GXYLT1: variants seen among roughly 807,000 people sequenced by gnomAD.
GXYLT1 encodes the protein glycosyltransferase 8 domain containing 3.
GXYLT1 carries 29 observed loss-of-function variants against 54.0 expected under a neutral mutation model. The ratio of observed to expected loss-of-function variants is 0.54; its 90% confidence interval spans 0.40 to 0.73. The LOEUF is 0.73. Among genes scored for constraint, GXYLT1 ranks in the 30% least tolerant of loss-of-function variants. The pLI is 0.00. For synonymous variants in GXYLT1, 176 were observed against 204.1 expected (o/e 0.86, Z 1.17); for missense variants, 490 against 553.4 (o/e 0.89, Z 1.15).
intron 1 of GXYLT1, among the ~76,000 whole-genome samples, chr12:42,140,206 G>GT (rs1034176325): frequency 3.0e-5 from 4 of 134,644 alleles, no homozygotes; most frequent in African/African-American, 8.3e-5. Flanking sequence ...AAGGCGGGGG[G>GT]GGGGGGACTT....
In GXYLT1 at chr12:42,116,640, G is replaced by C. The variant is rs1233818395; in HGVS notation, c.486+2360C>G. On this transcript the variant is annotated intron_variant, in intron 3 of 7. Transcript: ENST00000398675. ...AAGTCAGGAAACAGCAGGTGCTGGA[G>C]AGGATGTGGAGAAATAGGAACACTT... 3.9e-5 allele frequency among the ~76,000 whole-genome samples: 6 copies of C among 152,326 alleles called. No homozygotes were observed. The East Asian group carries it at 7.7e-4, about 20-fold the overall frequency.
intron 3 of GXYLT1, 55 bp downstream of exon 3, chr12:42,118,945 T>C (rs1271288303): frequency 4.0e-6 from 5 of 1,248,402 alleles, no homozygotes; most frequent in South Asian, 2.8e-5. Flanking sequence ...CATTCTATTA[T>C]AGTATATTAT....
chr12:42,098,155 C>A, intron 5 of GXYLT1, 122 bp from the exon 6 acceptor site: 1 of 838,450 alleles, frequency 1.2e-6, no homozygotes, highest in South Asian at 1.6e-5. Context: ...GCAAACTCCT[C>A]ACAATATCAA....
chr12:42,112,346 G>C lies in GXYLT1; in HGVS notation c.487-2655C>G, dbSNP rs188249671. 3.4e-3 allele frequency among the ~76,000 whole-genome samples: 524 copies of C among 152,256 alleles called. 1 individual carries two copies. The highest frequency in any genetic ancestry group is 5.7e-3 in the Non-Finnish European group (386 of 68,018). ...GCTTCAGAAGATCAAACTACTCCAA[G>C]CTACAGGAGGAAATTCGAACCAATG... is the stretch of plus-strand genomic sequence containing the variant. On this transcript the variant is annotated intron_variant, in intron 3 of 7. Coordinates refer to ENST00000398675, the MANE Select transcript of GXYLT1 (RefSeq NM_173601.2).
At chr12:42,107,723 G>A (rs1208431459) in intron 4 of GXYLT1, among the ~76,000 whole-genome samples, 1 of 152,028 alleles carries the variant, frequency 6.6e-6, no homozygotes, top group Non-Finnish European at 1.5e-5. Context: ...GGGGCTGGGT[G>A]GAGTCTGTAT....
At chr12:42,106,356 T>C (rs2065421073) in intron 4 of GXYLT1, among the ~76,000 whole-genome samples, 1 of 152,144 alleles carries the variant, frequency 6.6e-6, no homozygotes, top group African/African-American at 2.4e-5. Context: ...AGGGAGGAAA[T>C]GTTTTTCATA....
At chr12:42,114,470 TAC>T (rs1484048457) in intron 3 of GXYLT1, among the ~76,000 whole-genome samples, 1 of 152,064 alleles carries the variant, frequency 6.6e-6, no homozygotes, top group Non-Finnish European at 1.5e-5. Context: ...CCCACAGAAA[TAC>T]AAACTACCAT....
intron 2 of GXYLT1, among the ~76,000 whole-genome samples, chr12:42,128,943 T>C (rs550845943): frequency 1.1e-4 from 17 of 152,306 alleles, no homozygotes; most frequent in African/African-American, 4.1e-4. Flanking sequence ...CCCAAAATGC[T>C]GAGATTACAG....
chr12:42,131,511 C>G (rs2065594003), intron 1 of GXYLT1, among the ~76,000 whole-genome samples: 1 of 152,168 alleles, frequency 6.6e-6, no homozygotes, highest in Non-Finnish European at 1.5e-5. Flanking sequence ...ATTGTGTATA[C>G]TACTGCATAA....
chr12:42,138,932 T>C (rs1396751682), intron 1 of GXYLT1, among the ~76,000 whole-genome samples: 1 of 151,610 alleles, frequency 6.6e-6, no homozygotes, highest in Non-Finnish European at 1.5e-5. Flanking sequence ...CAGCTACTTG[T>C]GAGGCTGAGG....
chr12:42,105,910 G>A lies in GXYLT1; in HGVS notation c.772C>T (p.Arg258Cys), dbSNP rs748614834. 1.1e-5 allele frequency: 17 copies of A among 1,613,702 alleles called. No individual in the cohort carries two copies. The highest frequency in any genetic ancestry group is 3.3e-5 in the Admixed American group (2 of 60,010). ...HEEPRIGWYN[R>C]FARHPYYGKT... Reference sequence around the variant, plus strand: ...CCATAATATGGATGCCTAGCAAAGCGATTATACCATCCTATTCGAGGTTCC... The same window carrying A: ...CCATAATATGGATGCCTAGCAAAGCAATTATACCATCCTATTCGAGGTTCC... The change falls in exon 5 of 8, where the codon CGC (arginine) becomes TGC (cysteine). Residue 258 changes from arginine (R) to cysteine (C), a missense_variant. Arg to Cys is a radical substitution (Grantham distance 180). This residue lies in a region of GXYLT1 where 342 missense variants were observed against 342.6 expected (regional missense o/e 1.00). Coordinates refer to ENST00000398675, the MANE Select transcript of GXYLT1 (RefSeq NM_173601.2).
chr12:42,132,365 G>A (rs758588532), intron 1 of GXYLT1, among the ~76,000 whole-genome samples: 3 of 152,100 alleles, frequency 2.0e-5, no homozygotes, highest in Non-Finnish European at 4.4e-5. Flanking sequence ...TCGCAGTACT[G>A]ATCATTTCTC....
chr12:42,112,894 A>G (rs1365860562), intron 3 of GXYLT1, among the ~76,000 whole-genome samples: 1 of 151,238 alleles, frequency 6.6e-6, no homozygotes, highest in Non-Finnish European at 1.5e-5. Context: ...AGGTCGGGTT[A>G]CCCTCAAAGG....
chr12:42,082,077 G>A lies in GXYLT1; in HGVS notation c.*5709C>T, dbSNP rs536623503. 6.6e-6 allele frequency: 1 copy of A among 152,172 alleles called. No homozygotes were observed. The highest frequency in any genetic ancestry group is 1.5e-5 in the Non-Finnish European group (1 of 68,022). The allele number at this position is 152,172 out of a possible 1,614,324, so 9.4% of individuals were successfully genotyped here. ...ATACCAAAACATTTTAAGATAAAGA[G>A]CAGTGTAAGAGTAGTATTCTCTACA... On this transcript the variant is annotated 3_prime_UTR_variant, in exon 8 of 8. Coordinates refer to ENST00000398675, the MANE Select transcript of GXYLT1 (RefSeq NM_173601.2).
intron 3 of GXYLT1, among the ~76,000 whole-genome samples, chr12:42,116,293 A>G (rs1186925709): frequency 3.3e-5 from 5 of 152,194 alleles, no homozygotes; most frequent in Non-Finnish European, 7.3e-5. Context: ...ATCTAATTCA[A>G]CTAAAGAGCT....
chr12:42,111,021 T>C (rs2065450863), intron 3 of GXYLT1, among the ~76,000 whole-genome samples: 1 of 152,210 alleles, frequency 6.6e-6, no homozygotes, highest in African/African-American at 2.4e-5. Flanking sequence ...GCACCTAAGA[T>C]AATGCAATAA....
rs545003974 is a variant in GXYLT1 at position 42,115,450 on chromosome 12, A to G, written c.486+3550T>C. ...AGCAAATTCTCAGGATACAAAATCA[A>G]TGTGCAAAAATCACAAGCATTCTTA... On this transcript the variant is annotated intron_variant, in intron 3 of 7. Coordinates refer to ENST00000398675, the MANE Select transcript of GXYLT1 (RefSeq NM_173601.2). Among the ~76,000 whole-genome samples, 89 of 152,356 alleles carry G rather than the reference A, an allele frequency of 5.8e-4. 1 individual carries two copies. In the Middle Eastern group the frequency reaches 0.01, roughly 17 times the overall value.
chr12:42,103,704 T>C (rs571136456), intron 5 of GXYLT1, among the ~76,000 whole-genome samples: 31 of 152,300 alleles, frequency 2.0e-4, no homozygotes, highest in African/African-American at 7.0e-4. Context: ...ACAGGGTTGT[T>C]TGTAACACAG....
intron 2 of GXYLT1, among the ~76,000 whole-genome samples, chr12:42,119,952 A>C (rs2065520745): frequency 6.6e-6 from 1 of 152,194 alleles, no homozygotes; most frequent in Non-Finnish European, 1.5e-5. Flanking sequence ...ACACACAAAA[A>C]ATGACAACTT....
Sources: allele counts gnomAD v4.1 joint callset (sites outside exome capture counted in the v4.1 genomes callset), GRCh38; gene constraint gnomAD v4.1.1; regional missense constraint gnomAD v4.1.1; transcripts MANE v1.5; gene names NCBI Gene and HGNC (gene_info 2026-07-23, HGNC 2026-07-21).